Variants in HPS1 observed in about 807,000 individuals in gnomAD.
The protein encoded by HPS1 is HPS1 biogenesis of lysosomal organelles complex 3 subunit 1, also known as BLOC-3 complex member HPS1.
In HPS1, 59 loss-of-function variants were observed where a neutral mutation model predicts 90.6. That is an observed-to-expected ratio of 0.65 (90% CI 0.53 to 0.81). HPS1 has a LOEUF of 0.81. HPS1 is among the 30% of genes least tolerant of loss of function. The pLI is 0.00. For synonymous variants in HPS1, 388 were observed against 384.4 expected (o/e 1.01, Z -0.11); for missense variants, 849 against 896.7 (o/e 0.95, Z 0.68).
At chr10:98,419,834 T>C (rs915166174) in intron 18 of HPS1, among the ~76,000 whole-genome samples, 8 of 152,236 alleles carry the variant, frequency 5.3e-5, no homozygotes, top group Non-Finnish European at 1.0e-4. Context: ...GGCAAGAGTT[T>C]GCCAGACAGC....
chr10:98,431,447 C>A, intron 6 of HPS1, 156 bp from the exon 7 acceptor site: 1 of 729,422 alleles, frequency 1.4e-6, no homozygotes, highest in South Asian at 1.8e-5. Context: ...CAGGTCCCAG[C>A]CTTCCTGAGG....
chr10:98,417,586 G>A lies in HPS1; in HGVS notation c.2081C>T (p.Ala694Val), dbSNP rs763939097. The part of the protein sequence containing the change: ...AGQLARRLWE[A>V]SRIPLL The stretch of plus-strand genomic sequence containing the variant: ...GGCCTAGAGCAGGGGGATACGGGAG[G>A]CCTCCCAGAGGCGCCGGGCCAGCTG... Residue 694 changes from alanine to valine, a missense_variant, in exon 20 of 20, where the codon GCC (alanine) becomes GTC (valine). Transcript: ENST00000361490. The surrounding 1 kb of genome is among the most constrained non-coding windows in gnomAD (Gnocchi z 4.2). The A allele has an allele frequency of 7.4e-6, 12 of 1,611,590 alleles. No individual in the cohort carries two copies. The highest frequency in any genetic ancestry group is 1.0e-5 in the Non-Finnish European group (12 of 1,179,442).
At position 98,425,627 on chromosome 10, in the gene HPS1, C is replaced by T. The variant is rs1335137715; in HGVS notation, c.1249G>A (p.Ala417Thr). ...ACGAGGGGCTGGGAGCGCAGGGAGG[C>T]CCCGGGCTCCGGCCCTTCCTTCAGC... The part of the protein sequence containing the change: ...KKLKEGPEPG[A>T]SLRSQPLVGD... Residue 417 changes from alanine to threonine, a missense_variant, in exon 13 of 20, where the codon GCC becomes ACC. Physicochemically the swap from Ala to Thr is moderately conservative, Grantham distance 58 (BLOSUM62 0). Transcript: ENST00000361490. 6 of 1,613,688 alleles carry T rather than the reference C, an allele frequency of 3.7e-6. No homozygotes were observed. The highest frequency in any genetic ancestry group is 5.1e-6 in the Non-Finnish European group (6 of 1,179,888).
intron 16 of HPS1, among the ~76,000 whole-genome samples, chr10:98,423,278 A>ACCCG (rs1486992785): frequency 8.8e-6 from 1 of 114,052 alleles, no homozygotes; most frequent in African/African-American, 4.0e-5. Flanking sequence ...AGACCACAGG[A>ACCCG]ACCCCCCCCC....
rs886046590 is a variant in HPS1, at chr10:98,417,237, C to T, written c.*327G>A. The T allele has an allele frequency of 6.6e-5, 14 of 213,224 alleles. No homozygotes were observed. The highest frequency in any genetic ancestry group is 3.2e-4 in the East Asian group (3 of 9,362). 13.2% of individuals were successfully genotyped at this position (213,224 alleles called of 1,614,324 possible). A position where few individuals can be genotyped will look rare whatever the true frequency, so the allele number is the denominator to read the frequency against. On this transcript the variant is annotated 3_prime_UTR_variant, in exon 20 of 20. Coordinates refer to ENST00000361490, the MANE Select transcript of HPS1 (RefSeq NM_000195.5). This position sits in a 1 kb window ranked among gnomAD's most constrained non-coding sequence, Gnocchi z 4.2. ...GAGCTTGCTGGGTGGGCTTCCTCCA[C>T]GCAGGGAACAGCAGAGATGGGGCTT...
chr10:98,423,759 AGCCTCT>A lies in HPS1; in HGVS notation c.1520_1525del (p.Gln507_Arg508del). ...GGGGCCGCACTGCACTTACCGCATG[AGCCTCT>A]GCACTTGGTCCTGCAGGTGCTGGGG... is the stretch of plus-strand genomic sequence containing the variant. On this transcript the variant is annotated inframe_deletion, in exon 15 of 20. Coordinates refer to ENST00000361490, the MANE Select transcript of HPS1 (RefSeq NM_000195.5). 6.2e-7 allele frequency: 1 copy of A among 1,614,114 alleles called. No individual in the cohort carries two copies. The highest frequency in any genetic ancestry group is 8.5e-7 in the Non-Finnish European group (1 of 1,180,026).
At chr10:98,439,943 G>A (rs540260209) in intron 3 of HPS1, among the ~76,000 whole-genome samples, 3 of 152,272 alleles carry the variant, frequency 2.0e-5, no homozygotes, top group South Asian at 2.1e-4. Flanking sequence ...GTTCTCATGA[G>A]ATCTAATGGT....
chr10:98,421,079 G>C (rs1844791196), intron 17 of HPS1, among the ~76,000 whole-genome samples: 1 of 152,256 alleles, frequency 6.6e-6, no homozygotes, highest in African/African-American at 2.4e-5. Context: ...AGCAGGGACA[G>C]TGGGCTCTCT....
At position 98,443,271 on chromosome 10, in the gene HPS1, C is replaced by T. The variant is rs746701236; in HGVS notation, c.1-31G>A. On this transcript the variant is annotated intron_variant, in intron 2 of 19. Transcript: ENST00000361490. ...AGGGAAAGGCAAGGTCAAGGTCAGCCTCCAGCCCCAACATCTATGAGCTCA... is the reference window on the plus strand; with the variant it reads ...AGGGAAAGGCAAGGTCAAGGTCAGCTTCCAGCCCCAACATCTATGAGCTCA... The T allele has an allele frequency of 1.5e-5, 23 of 1,536,556 alleles. No individual in the cohort carries two copies. The Admixed American group carries it at 3.7e-4, about 25-fold the overall frequency.
At chr10:98,423,993 C>T in intron 14 of HPS1, 106 bp from the exon 15 acceptor site, 1 of 1,454,296 alleles carries the variant, frequency 6.9e-7, no homozygotes, top group South Asian at 1.2e-5. Context: ...ACCTGGGGAG[C>T]CCTTCCCCCT....
At chr10:98,444,012 G>C (rs906598204) in intron 2 of HPS1, among the ~76,000 whole-genome samples, 2 of 151,630 alleles carry the variant, frequency 1.3e-5, no homozygotes, top group African/African-American at 2.4e-5. Flanking sequence ...ACTCCAGCCT[G>C]GGTGACAGAG....
intron 2 of HPS1, 56 bp from the exon 3 acceptor site, chr10:98,443,296 A>C: frequency 1.6e-5 from 21 of 1,321,092 alleles, no homozygotes; most frequent in Non-Finnish European, 2.3e-5. Flanking sequence ...CTATGAGCTC[A>C]GTCTGAGTAA....
intron 3 of HPS1, among the ~76,000 whole-genome samples, chr10:98,441,385 A>G (rs1340752493): frequency 6.6e-6 from 1 of 152,254 alleles, no homozygotes; most frequent in East Asian, 1.9e-4. Flanking sequence ...AATTCAAAGT[A>G]GATCATCAGA....
chr10:98,428,934 C>T lies in HPS1; in HGVS notation c.937+639G>A, dbSNP rs567829255. On this transcript the variant is annotated intron_variant, in intron 10 of 19. Transcript: ENST00000361490. The stretch of plus-strand genomic sequence containing the variant: ...TTGGCTCACTGCAACCTCCACCTCC[C>T]GGGTTCAAGCGATTCTCCTGCCTCA... Among the ~76,000 whole-genome samples the T allele has an allele frequency of 1.4e-3, 212 of 151,982 alleles. 2 individuals are homozygous for T. Among genetic ancestry groups the T allele is most frequent in the Non-Finnish European group, 2.4e-3 (165 of 67,948 alleles).
rs574742526 is a variant in HPS1 at position 98,435,008 on chromosome 10, C to G, written c.398+264G>C. ...AGCACTGGACTGAGAGTCCTGAGCT[C>G]AAATATCCAGTTTGGATGTGGCCAC... On this transcript the variant is annotated intron_variant, in intron 5 of 19. Coordinates refer to ENST00000361490, the MANE Select transcript of HPS1 (RefSeq NM_000195.5). This position sits in a 1 kb window ranked among gnomAD's most constrained non-coding sequence, Gnocchi z 4.3. 4 of 508,320 alleles carry G rather than the reference C, an allele frequency of 7.9e-6. No individual in the cohort carries two copies. The highest frequency in any genetic ancestry group is 1.4e-5 in the Non-Finnish European group (4 of 279,170). 31.5% of individuals were successfully genotyped at this position (508,320 alleles called of 1,614,324 possible).
In HPS1 at chr10:98,417,702, C is replaced by A. The variant is rs1348356978; in HGVS notation, c.1965G>T (p.Lys655Asn). Residue 655 changes from lysine to asparagine, a missense_variant, in exon 20 of 20, where the codon AAG becomes AAT. Physicochemically the swap from Lys to Asn is moderately conservative, Grantham distance 94. Coordinates refer to ENST00000361490, the MANE Select transcript of HPS1 (RefSeq NM_000195.5). The surrounding 1 kb of genome is among the most constrained non-coding windows in gnomAD (Gnocchi z 4.2). ...YYRKLLRYYS[K>N]NRPTEAVRCY... is the part of the protein sequence containing the mutation. ...ACCTGACAGCCTCGGTTGGGCGGTT[C>A]TTGCTGTAGTAGCGCAGGAGCTTCC... is the stretch of plus-strand genomic sequence containing the variant. 2 of 1,613,768 alleles carry A rather than the reference C, an allele frequency of 1.2e-6. No homozygotes were observed. Among genetic ancestry groups the A allele is most frequent in the African/African-American group, 2.7e-5 (2 of 74,896 alleles).
At position 98,423,614 on chromosome 10, in the gene HPS1, G is replaced by C. The variant is rs764943956; in HGVS notation, c.1587C>G (p.Ile529Met). Residue 529 changes from isoleucine (I) to methionine (M), a missense_variant, in exon 16 of 20, where the codon ATC becomes ATG. Physicochemically the swap from Ile to Met is conservative, Grantham distance 10. Transcript: ENST00000361490. ...DFLLVKSRRN[I>M]TMVSYLEDFP... ...CGGCGTCAGGATATGACACCATGGT[G>C]ATGTTCCTCCTGCTCTTCACCAGCA... is the stretch of plus-strand genomic sequence containing the variant. 6.2e-7 allele frequency: 1 copy of C among 1,613,936 alleles called. No individual in the cohort carries two copies. Among genetic ancestry groups the C allele is most frequent in the Non-Finnish European group, 8.5e-7 (1 of 1,179,922 alleles).
Position 98,417,529 on chromosome 10 carries a change from G to A in HPS1, c.*35C>T. 1.3e-6 allele frequency: 2 copies of A among 1,586,568 alleles called. No homozygotes were observed. The highest frequency in any genetic ancestry group is 1.7e-6 in the Non-Finnish European group (2 of 1,162,672). On this transcript the variant is annotated 3_prime_UTR_variant, in exon 20 of 20. Transcript: ENST00000361490. This position sits in a 1 kb window ranked among gnomAD's most constrained non-coding sequence, Gnocchi z 4.2. ...CAGTGGCAAGCAAGGGTGGCTGGAG[G>A]ACAGGATGCAAAGGCAGACTGCGGC...
chr10:98,417,574 G>C lies in HPS1; in HGVS notation c.2093C>G (p.Pro698Arg). The C allele has an allele frequency of 1.2e-6, 2 of 1,611,044 alleles. No homozygotes were observed. Among genetic ancestry groups the C allele is most frequent in the East Asian group, 4.5e-5 (2 of 44,842 alleles). ...ARRLWEASRI[P>R]LL ...TGCGGCCACCTTGGCCTAGAGCAGGGGGATACGGGAGGCCTCCCAGAGGCG... is the reference window on the plus strand; with the variant it reads ...TGCGGCCACCTTGGCCTAGAGCAGGCGGATACGGGAGGCCTCCCAGAGGCG... Residue 698 changes from proline to arginine, a missense_variant, in exon 20 of 20, where the codon CCC (proline) becomes CGC (arginine). By Grantham distance (103) the Pro-to-Arg change is moderately radical (BLOSUM62 -2). Coordinates refer to ENST00000361490, the MANE Select transcript of HPS1 (RefSeq NM_000195.5). The surrounding 1 kb of genome is among the most constrained non-coding windows in gnomAD (Gnocchi z 4.2).
Sources: allele counts gnomAD v4.1 joint callset (sites outside exome capture counted in the v4.1 genomes callset), GRCh38; gene constraint gnomAD v4.1.1; non-coding constraint Gnocchi (gnomAD v3.1); transcripts MANE v1.5; gene names NCBI Gene and HGNC (gene_info 2026-07-23, HGNC 2026-07-21).